LARGE1: variants seen among roughly 807,000 people sequenced by gnomAD.
The protein encoded by LARGE1 is LARGE xylosyl- and glucuronyltransferase 1, also known as xylosyl- and glucuronyltransferase LARGE1.
A neutral mutation model predicts 87.6 loss-of-function variants in LARGE1; 43 were observed. The ratio of observed to expected loss-of-function variants is 0.49; its 90% CI spans 0.38 to 0.63. LARGE1 has a LOEUF of 0.63. Ranked by LOEUF, LARGE1 falls within the 30% of genes least tolerant of loss-of-function variation. The pLI, the probability that LARGE1 is intolerant of heterozygous loss-of-function variation, is 0.00. For synonymous variants in LARGE1, 434 were observed against 394.6 expected (o/e 1.10, Z -1.18); for missense variants, 802 against 1,000.2 (o/e 0.80, Z 2.67).
chr22:33,412,624 A>G (rs1332098479), intron 7 of LARGE1, among the ~76,000 whole-genome samples: 1 of 152,196 alleles, frequency 6.6e-6, no homozygotes, highest in African/African-American at 2.4e-5. Flanking sequence ...GACATATTTC[A>G]TTGTAAGTTT....
chr22:33,557,928 C>T (rs1259183826), intron 6 of LARGE1, among the ~76,000 whole-genome samples: 7 of 152,174 alleles, frequency 4.6e-5, no homozygotes, highest in African/African-American at 7.2e-5. Flanking sequence ...TTTAACAAAA[C>T]TGTATGATTG....
At chr22:33,706,569 G>A (rs952478118) in intron 2 of LARGE1, among the ~76,000 whole-genome samples, 9 of 152,188 alleles carry the variant, frequency 5.9e-5, no homozygotes, top group Non-Finnish European at 8.8e-5. Flanking sequence ...TATTAAACAA[G>A]TAACTTGATG....
At chr22:33,358,956 C>T (rs1482922899) in intron 9 of LARGE1, among the ~76,000 whole-genome samples, 2 of 150,148 alleles carry the variant, frequency 1.3e-5, no homozygotes, top group African/African-American at 4.9e-5. Flanking sequence ...CGAGACTGCA[C>T]TATTGCACTC....
chr22:33,699,142 C>T (rs2082335903), intron 2 of LARGE1, among the ~76,000 whole-genome samples: 3 of 152,244 alleles, frequency 2.0e-5, no homozygotes, highest in South Asian at 4.2e-4. Context: ...AACATCTGCT[C>T]GGCAAGTAGA....
the LARGE1 span, among the ~76,000 whole-genome samples, chr22:33,090,461 G>T: frequency 6.6e-6 from 1 of 152,170 alleles, no homozygotes; most frequent in Non-Finnish European, 1.5e-5. Context: ...GCACAAGCTT[G>T]GAGGAGGTCG....
chr22:33,247,196 T>C (rs1926806460), intron 11 of LARGE1, among the ~76,000 whole-genome samples: 1 of 152,132 alleles, frequency 6.6e-6, no homozygotes, highest in Non-Finnish European at 1.5e-5. Flanking sequence ...AATGTTCTTT[T>C]TTAAAAAAAG....
chr22:33,739,599 T>A (rs1385430185), intron 2 of LARGE1, among the ~76,000 whole-genome samples: 1 of 152,068 alleles, frequency 6.6e-6, no homozygotes, highest in East Asian at 1.9e-4. Flanking sequence ...GCAGGGAGGC[T>A]AAGGGAGGGA....
intron 2 of LARGE1, among the ~76,000 whole-genome samples, chr22:33,710,112 G>A (rs937675541): frequency 1.3e-5 from 2 of 150,078 alleles, no homozygotes; most frequent in Non-Finnish European, 3.0e-5. Flanking sequence ...TACGAGCAAA[G>A]AACTACCCTG....
chr22:33,087,813 T>A, the LARGE1 span, among the ~76,000 whole-genome samples: 1 of 152,090 alleles, frequency 6.6e-6, no homozygotes, highest in Non-Finnish European at 1.5e-5. Flanking sequence ...CACATGCCTG[T>A]AATCCCAGCT....
intron 6 of LARGE1, among the ~76,000 whole-genome samples, chr22:33,495,050 T>A (rs1256236915): frequency 6.6e-6 from 1 of 152,108 alleles, no homozygotes; most frequent in Non-Finnish European, 1.5e-5. Context: ...CTGCAATTCA[T>A]CAGCAAGGCC....
rs2085328141 is a variant in LARGE1 at position 33,778,786 on chromosome 22, G to A, written c.-82-17228C>T. 2.6e-5 allele frequency among the ~76,000 whole-genome samples: 4 copies of A among 152,150 alleles called. No homozygotes were observed. In the South Asian group the frequency reaches 8.3e-4, roughly 32 times the overall value. ...CTGCCTCAGCCTCCCCAGTAGCTGG[G>A]ATTACAGGCGCCTGCCACCATACCC... On this transcript the variant is annotated intron_variant, in intron 1 of 14. Transcript: ENST00000397394.
chr22:33,696,164 T>C lies in LARGE1; in HGVS notation c.107-45496A>G, dbSNP rs1356935172. Among the ~76,000 whole-genome samples, 12 of 152,118 alleles carry C rather than the reference T, an allele frequency of 7.9e-5. No individual in the cohort carries two copies. In the East Asian group the frequency reaches 2.3e-3, roughly 29 times the overall value. ...ATGAATACCTGGGCTGTTTTTGCAA[T>C]AACAGTTTCATAGTCCAGCGATAAC... On this transcript the variant is annotated intron_variant, in intron 2 of 14. Transcript: ENST00000397394.
chr22:33,759,420 A>C (rs1303129461), intron 2 of LARGE1, among the ~76,000 whole-genome samples: 1 of 151,980 alleles, frequency 6.6e-6, no homozygotes, highest in African/African-American at 2.4e-5. Flanking sequence ...CATCTTGACC[A>C]CCTCTGGGAC....
At chr22:33,792,538 G>T (rs1380789009) in intron 1 of LARGE1, among the ~76,000 whole-genome samples, 4 of 152,158 alleles carry the variant, frequency 2.6e-5, no homozygotes, top group Non-Finnish European at 5.9e-5. Flanking sequence ...ACACAGGAGG[G>T]CAAGGTCTAA....
chr22:33,691,952 G>GT (rs1310233722), intron 2 of LARGE1, among the ~76,000 whole-genome samples: 2 of 152,144 alleles, frequency 1.3e-5, no homozygotes, highest in African/African-American at 4.8e-5. Flanking sequence ...TTAGAGAAAA[G>GT]TATCTCCCTC....
chr22:33,815,608 G>A (rs1330257142), intron 1 of LARGE1, among the ~76,000 whole-genome samples: 1 of 152,152 alleles, frequency 6.6e-6, no homozygotes, highest in East Asian at 1.9e-4. Context: ...ATCTGATAGT[G>A]TGCAAAGTGC....
chr22:33,086,812 A>C, the LARGE1 span, among the ~76,000 whole-genome samples: 1 of 152,144 alleles, frequency 6.6e-6, no homozygotes, highest in Admixed American at 6.5e-5. Flanking sequence ...TGGCCTCCCA[A>C]AGTGCTGGGA....
At chr22:33,417,082 T>G (rs1482143513) in intron 7 of LARGE1, among the ~76,000 whole-genome samples, 2 of 151,872 alleles carry the variant, frequency 1.3e-5, no homozygotes, top group African/African-American at 4.8e-5. Context: ...AATTTTTGTA[T>G]TTTTACTAGA....
Position 33,316,073 on chromosome 22 carries a change from C to T in LARGE1, c.1451+12G>A, listed in dbSNP as rs1029660389. 6.8e-6 allele frequency: 11 copies of T among 1,613,014 alleles called. No homozygotes were observed. The highest frequency in any genetic ancestry group is 5.3e-5 in the African/African-American group (4 of 74,906). On this transcript the variant is annotated intron_variant, in intron 11 of 14. Coordinates refer to ENST00000397394, the MANE Select transcript of LARGE1 (RefSeq NM_133642.5). Reference sequence around the variant, plus strand: ...GTGAGGAGACTGGGGTGGGTGAGGCCGTCTGCCATACCTGTCCATGGACAG... The same window carrying T: ...GTGAGGAGACTGGGGTGGGTGAGGCTGTCTGCCATACCTGTCCATGGACAG...
Sources: allele counts gnomAD v4.1 joint callset (sites outside exome capture counted in the v4.1 genomes callset), GRCh38; gene constraint gnomAD v4.1.1; transcripts MANE v1.5; gene names NCBI Gene and HGNC (gene_info 2026-07-23, HGNC 2026-07-21).